DNAH12: variants seen among roughly 807,000 people sequenced by gnomAD.
DNAH12 encodes dynein axonemal heavy chain 12.
DNAH12 carries 285 observed loss-of-function variants against 371.5 expected under a neutral mutation model. The observed-to-expected ratio is 0.77, with a 90% CI of 0.70 to 0.85. The LOEUF (loss-of-function observed/expected upper bound fraction) is 0.85, where lower values mean the gene tolerates loss of function less well. Ranked by LOEUF, DNAH12 falls within the 40% of genes least tolerant of loss-of-function variation. DNAH12 has a pLI of 0.00. For missense variants in DNAH12, 3,611 were observed against 3,689.4 expected, an observed-to-expected ratio of 0.98 and a Z score of 0.55; for synonymous variants, 1,200 against 1,213.0, an observed-to-expected ratio of 0.99 and a Z score of 0.22.
intron 39 of DNAH12, among the ~76,000 whole-genome samples, chr3:57,410,097 T>C (rs2064154794): frequency 6.6e-6 from 1 of 152,336 alleles, no homozygotes; most frequent in East Asian, 1.9e-4. Flanking sequence ...TTTTCAATAA[T>C]TGAAACTAAT....
intron 17 of DNAH12, 112 bp from the exon 18 acceptor site, chr3:57,462,987 T>C: frequency 2.9e-6 from 2 of 695,206 alleles, no homozygotes; most frequent in Admixed American, 5.9e-5. Context: ...ATTTATTTAA[T>C]ATATTTCTAT....
rs1457483534 is a variant in DNAH12, at chr3:57,415,467, A to G, written c.5812T>C (p.Tyr1938His). ...HLEKDQYFPFYINLSARTSAN... is the reference protein window; with the variant it reads ...HLEKDQYFPFHINLSARTSAN... ...CTGGTCCGTGCAGATAAGTTAATAT[A>G]AAAAGGAAAGTACTGGTCCTTTTCC... Residue 1938 changes from tyrosine (Y) to histidine (H), a missense_variant, in exon 38 of 74, where the codon TAT (tyrosine) becomes CAT (histidine). By Grantham distance (83) the Tyr-to-His change is moderately conservative. This residue lies in a region of DNAH12 where 2,266 missense variants were observed against 2,236.9 expected (regional missense o/e 1.01). Transcript: ENST00000495027. The G allele has an allele frequency of 5.8e-6, 9 of 1,550,910 alleles. No homozygotes were observed. In the South Asian group the frequency reaches 8.4e-5, roughly 14 times the overall value.
At chr3:57,547,032 G>A (rs2069585272), upstream of DNAH12, among the ~76,000 whole-genome samples, 1 of 152,086 alleles carries the variant, frequency 6.6e-6, no homozygotes, top group South Asian at 2.1e-4. Flanking sequence ...GGCATGCCCT[G>A]AGTCAAACTC....
intron 11 of DNAH12, among the ~76,000 whole-genome samples, chr3:57,491,662 G>C (rs1020024780): frequency 1.3e-5 from 2 of 152,018 alleles, no homozygotes; most frequent in Admixed American, 6.6e-5. Flanking sequence ...AGCCAGGCAT[G>C]ATGGCTCATG....
At chr3:57,433,042 T>C (rs1321921017) in intron 32 of DNAH12, among the ~76,000 whole-genome samples, 2 of 152,174 alleles carry the variant, frequency 1.3e-5, no homozygotes, top group Non-Finnish European at 2.9e-5. Context: ...TAGGCTTTTG[T>C]TATTTTATCC....
rs569098963 is a variant in DNAH12 at position 57,465,318 on chromosome 3, T to C, written c.2350-2443A>G. Reference sequence around the variant, plus strand: ...AAACAAAACGTCAGGCTAAATGGTTTCATGAGTGAATGTTTCTCTAAAATA... The same window carrying C: ...AAACAAAACGTCAGGCTAAATGGTTCCATGAGTGAATGTTTCTCTAAAATA... On this transcript the variant is annotated intron_variant, in intron 17 of 73. Coordinates refer to ENST00000495027, the MANE Select transcript of DNAH12 (RefSeq NM_001366028.2). Among the ~76,000 whole-genome samples, 6 of 152,292 alleles carry C rather than the reference T, an allele frequency of 3.9e-5. No homozygotes were observed. In the East Asian group the frequency reaches 9.6e-4, roughly 24 times the overall value.
At chr3:57,473,705 CTA>C (rs35415914) in intron 13 of DNAH12, among the ~76,000 whole-genome samples, 99,711 of 148,836 alleles carry the variant, frequency 0.67, 33,647 homozygotes, top group South Asian at 0.75. Context: ...ATACATACAT[CTA>C]TATATATAAT....
At chr3:57,486,181 C>CA (rs11338004) in intron 12 of DNAH12, among the ~76,000 whole-genome samples, 5,016 of 121,228 alleles carry the variant, frequency 0.041, 97 homozygotes, top group Middle Eastern at 0.05. Context: ...GACTCCATCT[C>CA]AAAAAAAAAA....
At chr3:57,294,066 C>T in intron 73 of DNAH12, 95 bp from the exon 74 acceptor site, 1 of 1,083,302 alleles carries the variant, frequency 9.2e-7, no homozygotes, top group East Asian at 2.8e-5. Context: ...ATGGCCAGAA[C>T]TAAATCTAAG....
chr3:57,387,622 A>G lies in DNAH12; in HGVS notation c.7306-403T>C, dbSNP rs2063523200. 2.0e-5 allele frequency among the ~76,000 whole-genome samples: 3 copies of G among 152,234 alleles called. No individual in the cohort carries two copies. The South Asian group carries it at 6.2e-4, about 32-fold the overall frequency. ...CCAATTTTATTCTAGATAGCAATAT[A>G]CCCAGCTAAAAGACTAAATCTCCTA... On this transcript the variant is annotated intron_variant, in intron 45 of 73. Coordinates refer to ENST00000495027, the MANE Select transcript of DNAH12 (RefSeq NM_001366028.2).
the DNAH12 span, among the ~76,000 whole-genome samples, chr3:57,554,270 G>C: frequency 7.6e-6 from 1 of 131,394 alleles, no homozygotes; most frequent in Non-Finnish European, 1.5e-5. Context: ...CTGGGTGACA[G>C]AGTGAGGCTC....
intron 11 of DNAH12, among the ~76,000 whole-genome samples, chr3:57,494,597 A>G (rs1468806485): frequency 6.6e-6 from 1 of 152,102 alleles, no homozygotes; most frequent in African/African-American, 2.4e-5. Flanking sequence ...CTAAAACAAA[A>G]CAAAACATTG....
At chr3:57,454,694 A>C in intron 23 of DNAH12, 81 bp downstream of exon 23, 1 of 1,507,904 alleles carries the variant, frequency 6.6e-7, no homozygotes, top group South Asian at 1.3e-5. Flanking sequence ...GCATAGCAAG[A>C]TCTCATTTCT....
At chr3:57,514,495 T>TA (rs982552810) in intron 4 of DNAH12, among the ~76,000 whole-genome samples, 1 of 151,996 alleles carries the variant, frequency 6.6e-6, no homozygotes, top group Non-Finnish European at 1.5e-5. Context: ...GTTCATTTTT[T>TA]AAAAAAATTA....
At chr3:57,342,970 G>C (rs2062443068) in intron 60 of DNAH12, among the ~76,000 whole-genome samples, 1 of 152,030 alleles carries the variant, frequency 6.6e-6, no homozygotes, top group Admixed American at 6.6e-5. Context: ...TACTTGGGAA[G>C]CTGGGGTGGA....
chr3:57,521,063 C>CAAAAA (rs61570396), intron 4 of DNAH12, among the ~76,000 whole-genome samples: 4 of 54,440 alleles, frequency 7.3e-5, no homozygotes, highest in Non-Finnish European at 7.8e-5. Flanking sequence ...GACTCTGTCT[C>CAAAAA]AAAAAAAAAA....
intron 62 of DNAH12, among the ~76,000 whole-genome samples, chr3:57,332,102 G>C (rs916253387): frequency 6.6e-6 from 1 of 152,058 alleles, no homozygotes; most frequent in Non-Finnish European, 1.5e-5. Flanking sequence ...TGATAGTCTT[G>C]AACAAAGTCT....
At chr3:57,500,981 A>G (rs2067523222) in intron 11 of DNAH12, among the ~76,000 whole-genome samples, 2 of 152,262 alleles carry the variant, frequency 1.3e-5, no homozygotes, top group East Asian at 1.9e-4. Context: ...CGGTCTCACT[A>G]TGTTGCCCAG....
At position 57,343,778 on chromosome 3, in the gene DNAH12, G is replaced by C. The variant is rs566134264; in HGVS notation, c.9674+8307C>G. Among the ~76,000 whole-genome samples the C allele has an allele frequency of 5.3e-4, 81 of 152,152 alleles. 1 individual carries two copies. Among genetic ancestry groups the C allele is most frequent in the Non-Finnish European group, 1.1e-3 (74 of 68,026 alleles). The stretch of plus-strand genomic sequence containing the variant: ...GTACATTTGTTCAGTTCTAAGATAG[G>C]AGAAAAACCGCCCTATGGTGGGAGG... On this transcript the variant is annotated intron_variant, in intron 60 of 73. Transcript: ENST00000495027.
Sources: allele counts gnomAD v4.1 joint callset (sites outside exome capture counted in the v4.1 genomes callset), GRCh38; gene constraint gnomAD v4.1.1; regional missense constraint gnomAD v4.1.1; transcripts MANE v1.5; gene names NCBI Gene and HGNC (gene_info 2026-07-23, HGNC 2026-07-21).